The following KMT2E variants were observed in gnomAD, a reference collection of about 807,000 sequenced individuals.
KMT2E encodes the protein lysine methyltransferase 2E (inactive), also known as histone reader KMT2E.
Under a neutral mutation model 184.6 loss-of-function variants are expected in KMT2E, and 30 were observed. That is an observed-to-expected ratio of 0.16 (90% confidence interval 0.12 to 0.22). The LOEUF is 0.22. Among genes scored for constraint, KMT2E ranks in the 10% least tolerant of loss-of-function variants. The pLI is 1.00. For missense variants in KMT2E, 2,023 were observed against 2,237.4 expected (o/e 0.90, Z 1.93); for synonymous variants, 815 against 776.5 (o/e 1.05, Z -0.82).
chr7:105,054,454 G>A lies in KMT2E; in HGVS notation c.72-7710G>A, dbSNP rs1033911486. ...GTTGTAAAAGCAAGTTGCTCTGTCT[G>A]TCTGTCTATCTATCTATCTATCTAT... is the stretch of plus-strand genomic sequence containing the variant. On this transcript the variant is annotated intron_variant, in intron 3 of 26. Transcript: ENST00000311117. 2.5e-3 allele frequency among the ~76,000 whole-genome samples: 269 copies of A among 109,216 alleles called. 2 individuals are homozygous for A. The highest frequency in any genetic ancestry group is 4.6e-3 in the Middle Eastern group (1 of 218). The allele number at this position is 109,216 out of a possible 152,430, so 71.6% of individuals were successfully genotyped here.
At chr7:105,088,730 G>A (rs529481969) in intron 13 of KMT2E, among the ~76,000 whole-genome samples, 2 of 152,304 alleles carry the variant, frequency 1.3e-5, no homozygotes, top group African/African-American at 2.4e-5. Flanking sequence ...CTTACTAACT[G>A]TGTAACATTG....
Position 105,076,071 on chromosome 7 carries a change from C to A in KMT2E, c.758C>A (p.Ser253Ter). 6.3e-7 allele frequency: 1 copy of A among 1,598,768 alleles called. No individual in the cohort carries two copies. Among genetic ancestry groups the A allele is most frequent in the Non-Finnish European group, 8.6e-7 (1 of 1,166,682 alleles). ...TTTCGTGAAGGATCTAGGAAGTCAT[C>A]AAGAGTTAAGGTAAATACATTAATT... ...KAFREGSRKS[S>*]RVKGSAPEID... Residue 253 changes from serine to a stop codon, truncating the protein, a stop_gained, in exon 9 of 27, where the codon TCA (serine) becomes TAA (stop). Coordinates refer to ENST00000311117, the MANE Select transcript of KMT2E (RefSeq NM_182931.3). LOFTEE classifies it high-confidence loss of function.
In KMT2E at chr7:105,107,529, G is replaced by A; in HGVS notation, c.3072G>A (p.Gln1024=). The A allele has an allele frequency of 6.2e-7, 1 of 1,614,178 alleles. No homozygotes were observed. The highest frequency in any genetic ancestry group is 8.5e-7 in the Non-Finnish European group (1 of 1,180,026). ...AAAAGGAACCTGTGTCAGACCTTCA[G>A]CTAGGACTCGATGCAGTTGAGCCAA... ...PGEKEPVSDL[Q]LGLDAVEPTA... is the part of the protein sequence containing the mutation. The change falls in exon 22 of 27, where the codon CAG becomes CAA. Residue 1024 remains glutamine (Q), a synonymous_variant. Coordinates refer to ENST00000311117, the MANE Select transcript of KMT2E (RefSeq NM_182931.3).
rs567444988 is a variant in KMT2E at position 105,070,672 on chromosome 7, A to T, written c.498-2947A>T. On this transcript the variant is annotated intron_variant, in intron 6 of 26. Transcript: ENST00000311117. ...AAAAAAAAAAGCAAAGATTAGCTGGATAAGATGGTATGTGTCTGTGGTCCC... is the reference window on the plus strand; with the variant it reads ...AAAAAAAAAAGCAAAGATTAGCTGGTTAAGATGGTATGTGTCTGTGGTCCC... 6.3e-4 allele frequency among the ~76,000 whole-genome samples: 91 copies of T among 144,702 alleles called. 1 individual carries two copies. In the Middle Eastern group the frequency reaches 0.021, roughly 34 times the overall value. 94.9% of individuals were successfully genotyped at this position (144,702 alleles called of 152,430 possible).
At chr7:105,090,592 A>C (rs929180609) in intron 14 of KMT2E, among the ~76,000 whole-genome samples, 2 of 152,198 alleles carry the variant, frequency 1.3e-5, no homozygotes, top group Non-Finnish European at 2.9e-5. Flanking sequence ...CTTAAGCTGC[A>C]AAATTTTCTT....
At chr7:105,016,691 A>G (rs575514783) in intron 1 of KMT2E, among the ~76,000 whole-genome samples, 2 of 152,334 alleles carry the variant, frequency 1.3e-5, no homozygotes, top group African/African-American at 2.4e-5. Context: ...TTTAATGACC[A>G]TTCTGATTGT....
intron 6 of KMT2E, among the ~76,000 whole-genome samples, chr7:105,072,186 C>T (rs372768239): frequency 1.4e-4 from 22 of 152,102 alleles, no homozygotes; most frequent in African/African-American, 3.6e-4. Flanking sequence ...GGTGTGGTGG[C>T]GGGCGCCTGT....
At chr7:105,053,982 G>C (rs1381985899) in intron 3 of KMT2E, among the ~76,000 whole-genome samples, 1 of 152,030 alleles carries the variant, frequency 6.6e-6, no homozygotes, top group Non-Finnish European at 1.5e-5. Flanking sequence ...AGACCAGCCT[G>C]GCCAACATGG....
At chr7:105,098,013 TGA>T (rs1320409314) in intron 15 of KMT2E, among the ~76,000 whole-genome samples, 1 of 152,188 alleles carries the variant, frequency 6.6e-6, no homozygotes, top group Non-Finnish European at 1.5e-5. Flanking sequence ...CATCATCACA[TGA>T]TAGAGGAAAT....
intron 6 of KMT2E, among the ~76,000 whole-genome samples, chr7:105,072,973 G>A (rs1455007985): frequency 2.0e-5 from 3 of 150,586 alleles, no homozygotes; most frequent in Non-Finnish European, 4.4e-5. Context: ...GGTAATAATG[G>A]AATAGATTCA....
Position 105,109,004 on chromosome 7 carries a change from G to C in KMT2E, c.3531G>C (p.Glu1177Asp). ...CTAGGAAAAGTGGCTCTAAGACAGA[G>C]AACTTTCCACTCATTAGTGTATCAC... is the stretch of plus-strand genomic sequence containing the variant. ...REARKSGSKT[E>D]NFPLISVSPH... is the part of the protein sequence containing the mutation. The change falls in exon 23 of 27, where the codon GAG (glutamate) becomes GAC (aspartate). Residue 1177 changes from glutamate (E) to aspartate (D), a missense_variant. Coordinates refer to ENST00000311117, the MANE Select transcript of KMT2E (RefSeq NM_182931.3). 1 of 1,614,110 alleles carries C rather than the reference G, an allele frequency of 6.2e-7. No homozygotes were observed. The highest frequency in any genetic ancestry group is 1.1e-5 in the South Asian group (1 of 91,076).
At chr7:105,073,513 T>C (rs1484442095) in intron 6 of KMT2E, 106 bp from the exon 7 acceptor site, 2 of 683,640 alleles carry the variant, frequency 2.9e-6, no homozygotes, top group East Asian at 5.5e-5. Flanking sequence ...TATTTTATAC[T>C]GTTGGTTTTT....
chr7:105,076,847 T>C, intron 9 of KMT2E, 116 bp from the exon 10 acceptor site: 1 of 742,620 alleles, frequency 1.3e-6, no homozygotes, highest in Admixed American at 2.4e-5. Context: ...TATATTATGT[T>C]CTTTTGTATA....
intron 1 of KMT2E, among the ~76,000 whole-genome samples, chr7:105,031,177 T>C (rs1795398495): frequency 6.6e-6 from 1 of 150,646 alleles, no homozygotes; most frequent in South Asian, 2.1e-4. Context: ...GCCAACATGG[T>C]GAAACCCTGT....
Position 105,099,011 on chromosome 7 carries a change from A to G in KMT2E, c.1723-2414A>G, listed in dbSNP as rs576693922. ...AGTTAGAGCTATAAAATGGGAGGCA[A>G]ATTTTGTCTTTAAATAGGTACCATA... On this transcript the variant is annotated intron_variant, in intron 15 of 26. Transcript: ENST00000311117. Among the ~76,000 whole-genome samples the G allele has an allele frequency of 2.6e-4, 39 of 152,280 alleles. No homozygotes were observed. In the South Asian group the frequency reaches 7.5e-3, roughly 29 times the overall value.
chr7:105,058,359 A>G (rs1796657723), intron 3 of KMT2E, among the ~76,000 whole-genome samples: 1 of 152,172 alleles, frequency 6.6e-6, no homozygotes, highest in African/African-American at 2.4e-5. Flanking sequence ...CAACAGATTC[A>G]GGTGTTGTCA....
intron 3 of KMT2E, among the ~76,000 whole-genome samples, chr7:105,043,815 G>A (rs534905814): frequency 6.6e-6 from 1 of 152,316 alleles, no homozygotes; most frequent in South Asian, 2.1e-4. Flanking sequence ...ATTCAGCTCA[G>A]TGTGGTGGCT....
At chr7:105,051,510 C>A (rs1310024247) in intron 3 of KMT2E, among the ~76,000 whole-genome samples, 3 of 152,164 alleles carry the variant, frequency 2.0e-5, no homozygotes, top group African/African-American at 4.8e-5. Context: ...ATGGCTACAT[C>A]TCTATCCAGT....
At chr7:105,106,068 C>A (rs577709192) in intron 19 of KMT2E, 65 bp downstream of exon 19, 4 of 1,427,774 alleles carry the variant, frequency 2.8e-6, no homozygotes, top group Non-Finnish European at 1.9e-6. Flanking sequence ...AGCTTTATAA[C>A]AGGCATATTT....
Sources: allele counts gnomAD v4.1 joint callset (sites outside exome capture counted in the v4.1 genomes callset), GRCh38; gene constraint gnomAD v4.1.1; transcripts MANE v1.5; gene names NCBI Gene and HGNC (gene_info 2026-07-23, HGNC 2026-07-21).